Variants in NCKAP5 observed in about 807,000 individuals in gnomAD.
NCKAP5 encodes nck-associated protein 5.
A neutral mutation model predicts 167.0 loss-of-function variants in NCKAP5; 92 were observed. The observed-to-expected ratio is 0.55, with a 90% confidence interval of 0.47 to 0.66. NCKAP5 has a LOEUF of 0.66. Among genes scored for constraint, NCKAP5 ranks in the 30% least tolerant of loss-of-function variants. NCKAP5 has a pLI of 0.00. For synonymous variants in NCKAP5, 891 were observed against 877.4 expected (o/e 1.02, Z -0.27); for missense variants, 2,378 against 2,315.0 (o/e 1.03, Z -0.56).
intron 3 of NCKAP5, among the ~76,000 whole-genome samples, chr2:133,412,194 G>A (rs775477881): frequency 6.6e-6 from 1 of 152,134 alleles, no homozygotes; most frequent in Admixed American, 6.5e-5. Flanking sequence ...CTCATGAATG[G>A]GTTTAGTGTC....
At chr2:133,135,379 C>T (rs1248666235) in intron 5 of NCKAP5, among the ~76,000 whole-genome samples, 3 of 149,134 alleles carry the variant, frequency 2.0e-5, no homozygotes, top group Non-Finnish European at 4.5e-5. Context: ...AGCCAGGGGA[C>T]AGGAGTGGCA....
chr2:133,127,986 A>T (rs1214862873), intron 6 of NCKAP5, among the ~76,000 whole-genome samples: 1 of 152,176 alleles, frequency 6.6e-6, no homozygotes, highest in Non-Finnish European at 1.5e-5. Flanking sequence ...ACCACACAGG[A>T]GTCATCCATC....
chr2:133,053,663 C>T (rs956349385), intron 6 of NCKAP5, among the ~76,000 whole-genome samples: 5 of 152,128 alleles, frequency 3.3e-5, no homozygotes, highest in Non-Finnish European at 4.4e-5. Flanking sequence ...TACTCTCTTT[C>T]GCTAATTTCC....
chr2:133,100,280 T>C (rs2081468203), intron 6 of NCKAP5, among the ~76,000 whole-genome samples: 1 of 152,224 alleles, frequency 6.6e-6, no homozygotes, highest in Non-Finnish European at 1.5e-5. Flanking sequence ...TCATGTTAGC[T>C]ACTGATTATT....
At chr2:133,138,592 T>C (rs1574150365) in intron 5 of NCKAP5, among the ~76,000 whole-genome samples, 1 of 152,200 alleles carries the variant, frequency 6.6e-6, no homozygotes, top group East Asian at 1.9e-4. Context: ...GGCTAGAGTT[T>C]CTGTCTTCCC....
chr2:133,586,241 G>A, the NCKAP5 span, among the ~76,000 whole-genome samples: 18 of 152,222 alleles, frequency 1.2e-4, no homozygotes, highest in Middle Eastern at 3.4e-3. Flanking sequence ...CTCCCTCAGA[G>A]GGTCCAGCCT....
chr2:132,725,573 A>G lies in NCKAP5; in HGVS notation c.5713+54T>C. ...GCCGAGCACAGTGAAAGGTATAATC[A>G]GCGGCTTCCCAGAGAGAGGAACCTG... is the stretch of plus-strand genomic sequence containing the variant. On this transcript the variant is annotated intron_variant, in intron 19 of 19. Coordinates refer to ENST00000409261, the MANE Select transcript of NCKAP5 (RefSeq NM_207363.3). 2.6e-6 allele frequency: 4 copies of G among 1,557,872 alleles called. No homozygotes were observed. In the Middle Eastern group the frequency reaches 5.3e-4, roughly 208 times the overall value.
At chr2:133,087,950 G>A (rs553401733) in intron 6 of NCKAP5, among the ~76,000 whole-genome samples, 1 of 152,136 alleles carries the variant, frequency 6.6e-6, no homozygotes, top group Non-Finnish European at 1.5e-5. Context: ...ATTCTAGTGG[G>A]AGAGAGATCA....
At chr2:132,799,266 G>A (rs907609117) in intron 11 of NCKAP5, among the ~76,000 whole-genome samples, 1 of 151,764 alleles carries the variant, frequency 6.6e-6, no homozygotes, top group Non-Finnish European at 1.5e-5. Context: ...AAAAAGAAAG[G>A]GGGGAATGGG....
the NCKAP5 span, among the ~76,000 whole-genome samples, chr2:133,639,365 A>T: frequency 1.3e-5 from 2 of 152,202 alleles, no homozygotes; most frequent in South Asian, 4.1e-4. Flanking sequence ...ACATGACGAT[A>T]GCAACATTAT....
rs1682313702 is a variant in NCKAP5, at chr2:132,773,887, T to C, written c.5057A>G (p.Glu1686Gly). 2.5e-6 allele frequency: 4 copies of C among 1,608,794 alleles called. No individual in the cohort carries two copies. The highest frequency in any genetic ancestry group is 1.7e-5 in the Admixed American group (1 of 58,798). ...MEVPKDSLVK[E>G]ANENLQEDED... ...ATCCTCTTGCAAGTTTTCATTTGCC[T>C]CTTTTACCTGCAGGAAGAAGAAAAT... is the stretch of plus-strand genomic sequence containing the variant. The change falls in exon 16 of 20, where the codon GAG becomes GGG. Residue 1686 changes from glutamate (E) to glycine (G), a missense_variant. Coordinates refer to ENST00000409261, the MANE Select transcript of NCKAP5 (RefSeq NM_207363.3).
At chr2:133,071,440 G>A (rs2080396867) in intron 6 of NCKAP5, among the ~76,000 whole-genome samples, 4 of 152,126 alleles carry the variant, frequency 2.6e-5, no homozygotes, top group African/African-American at 4.8e-5. Context: ...GCGAGACTCC[G>A]TCTCAAAAAA....
chr2:133,486,114 G>T (rs979292976), intron 3 of NCKAP5, among the ~76,000 whole-genome samples: 2 of 152,134 alleles, frequency 1.3e-5, no homozygotes, highest in African/African-American at 4.8e-5. Flanking sequence ...AGTCCACAAA[G>T]AATATATTAC....
chr2:132,997,104 G>A (rs541483601), intron 6 of NCKAP5, among the ~76,000 whole-genome samples: 8 of 152,300 alleles, frequency 5.3e-5, no homozygotes, highest in African/African-American at 1.2e-4. Context: ...CAGTGAATCC[G>A]CTGATGTAGG....
At chr2:133,531,080 T>C (rs1685319644) in intron 2 of NCKAP5, among the ~76,000 whole-genome samples, 1 of 151,692 alleles carries the variant, frequency 6.6e-6, no homozygotes, top group Non-Finnish European at 1.5e-5. Context: ...AGATAATTAA[T>C]TTGGGTCACT....
At chr2:133,372,769 T>C (rs1388753123) in intron 3 of NCKAP5, among the ~76,000 whole-genome samples, 2 of 152,216 alleles carry the variant, frequency 1.3e-5, no homozygotes, top group African/African-American at 4.8e-5. Context: ...TTACTTTTCC[T>C]TTCAAATATC....
At chr2:133,622,774 C>T in the NCKAP5 span, among the ~76,000 whole-genome samples, 2 of 151,916 alleles carry the variant, frequency 1.3e-5, no homozygotes, top group Non-Finnish European at 2.9e-5. Context: ...CATGACAATA[C>T]CATCAGTCTT....
At chr2:133,363,322 AT>A (rs573863388) in intron 3 of NCKAP5, among the ~76,000 whole-genome samples, 92 of 148,326 alleles carry the variant, frequency 6.2e-4, no homozygotes, top group Non-Finnish European at 8.7e-4. Flanking sequence ...GCCACACACA[AT>A]TTTTTTTTTT....
chr2:133,481,840 G>A (rs1680474947), intron 3 of NCKAP5, among the ~76,000 whole-genome samples: 2 of 152,106 alleles, frequency 1.3e-5, no homozygotes, highest in South Asian at 4.1e-4. Context: ...ATCAATGATG[G>A]TCATTTAGGT....
Sources: gnomAD v4.1 joint callset for allele counts (sites outside exome capture counted in the v4.1 genomes callset) on GRCh38, gnomAD v4.1.1 for gene constraint, MANE v1.5 for transcripts, NCBI Gene and HGNC (gene_info 2026-07-23, HGNC 2026-07-21) for gene names.